DLK2: variants seen among roughly 807,000 people sequenced by gnomAD.
The protein encoded by DLK2 is protein delta homolog 2.
Under a neutral mutation model 31.3 loss-of-function variants are expected in DLK2, and 9 were observed. The ratio of observed to expected loss-of-function variants is 0.29; its 90% CI spans 0.17 to 0.50. The LOEUF (loss-of-function observed/expected upper bound fraction) is 0.50, where lower values mean the gene tolerates loss of function less well. DLK2 is among the 20% of genes least tolerant of loss of function. DLK2 has a pLI of 0.98. For missense variants in DLK2, 387 were observed against 526.1 expected (o/e 0.74, Z 2.59); for synonymous variants, 169 against 201.2 (o/e 0.84, Z 1.35).
At chr6:43,455,772 G>C (rs1783965246), upstream of DLK2, among the ~76,000 whole-genome samples, 1 of 152,006 alleles carries the variant, frequency 6.6e-6, no homozygotes, top group South Asian at 2.1e-4. Flanking sequence ...CTCAATGGGA[G>C]CAAACTATTA....
Position 43,451,928 on chromosome 6 carries a change from C to T in DLK2, c.416+12G>A. 2.5e-6 allele frequency: 4 copies of T among 1,613,740 alleles called. No individual in the cohort carries two copies. The South Asian group carries it at 4.4e-5, about 18-fold the overall frequency. On this transcript the variant is annotated intron_variant, in intron 5 of 5. Coordinates refer to ENST00000372488, the MANE Select transcript of DLK2 (RefSeq NM_023932.4). This position sits in a 1 kb window ranked among gnomAD's most constrained non-coding sequence, Gnocchi z 4.4. ...TCTAACCTTCCACTCACCCTGAGGG[C>T]CCAGCACTCACCCTGCCTGTTCACA...
Position 43,450,811 on chromosome 6 carries a change from C to G in DLK2, c.880G>C (p.Val294Leu). The change falls in exon 6 of 6, where the codon GTG becomes CTG. Residue 294 changes from valine (V) to leucine (L), a missense_variant. Coordinates refer to ENST00000372488, the MANE Select transcript of DLK2 (RefSeq NM_023932.4). The surrounding 1 kb of genome is among the most constrained non-coding windows in gnomAD (Gnocchi z 4.5). ...AGLLRISVKE[V>L]VRRQEAGLGE... ...AGCCCAGCCTCTTGCCTCCGCACCA[C>G]CTCCTTCACTGAGATCCGCAGCAGA... is the stretch of plus-strand genomic sequence containing the variant. 6.2e-7 allele frequency: 1 copy of G among 1,614,240 alleles called. No individual in the cohort carries two copies. The highest frequency in any genetic ancestry group is 1.3e-5 in the African/African-American group (1 of 75,072).
upstream of DLK2, chr6:43,455,839 A>AGCGCTCCGCGGCCC (rs977828880): frequency 1.3e-5 from 2 of 152,830 alleles, no homozygotes; most frequent in Non-Finnish European, 2.9e-5. Flanking sequence ...TTTCCCGACC[A>AGCGCTCCGCGGCCC]GCGCTCCGCG....
rs907833216 is a variant in DLK2, at chr6:43,451,172, T to A, written c.519A>T (p.Val173=). 10 of 1,614,124 alleles carry A rather than the reference T, an allele frequency of 6.2e-6. No individual in the cohort carries two copies. Among genetic ancestry groups the A allele is most frequent in the Non-Finnish European group, 8.5e-6 (10 of 1,180,002 alleles). ...GCCGCATCAGGCAGTCATCCACATTTACCTCACAGCGGGCACCCACAAAGC... is the reference window on the plus strand; with the variant it reads ...GCCGCATCAGGCAGTCATCCACATTAACCTCACAGCGGGCACCCACAAAGC... ...LVGFVGARCE[V]NVDDCLMRPC... The change falls in exon 6 of 6, where the codon GTA becomes GTT. Residue 173 remains valine, a synonymous_variant. Transcript: ENST00000372488. The surrounding 1 kb of genome is among the most constrained non-coding windows in gnomAD (Gnocchi z 4.4).
At chr6:43,454,996 G>T in intron 1 of DLK2, 116 bp from the exon 2 acceptor site, 3 of 1,416,888 alleles carry the variant, frequency 2.1e-6, no homozygotes, top group Non-Finnish European at 2.8e-6. Flanking sequence ...GAAGGGGATG[G>T]GGGTAGCGGG....
In DLK2 at chr6:43,453,600, C is replaced by G. The variant is rs1282842017; in HGVS notation, c.141-465G>C. On this transcript the variant is annotated intron_variant, in intron 3 of 5. Transcript: ENST00000372488. The surrounding 1 kb of genome is among the most constrained non-coding windows in gnomAD (Gnocchi z 4.1). ...TTGAGGTCAGGAGTTCAAGACCAGC[C>G]TGGCCAACTGGGTGAAACCCCGTCT... 6.6e-6 allele frequency among the ~76,000 whole-genome samples: 1 copy of G among 152,170 alleles called. No homozygotes were observed. Among genetic ancestry groups the G allele is most frequent in the Non-Finnish European group, 1.5e-5 (1 of 68,030 alleles).
intron 3 of DLK2, among the ~76,000 whole-genome samples, chr6:43,454,028 C>G (rs905534476): frequency 2.0e-5 from 3 of 152,296 alleles, no homozygotes; most frequent in Non-Finnish European, 4.4e-5. Context: ...AAGAAAGATC[C>G]TCTTTCATTG....
At position 43,451,699 on chromosome 6, in the gene DLK2, G is replaced by A. The variant is rs1013369110; in HGVS notation, c.416+241C>T. Among the ~76,000 whole-genome samples, 1 of 148,870 alleles carries A rather than the reference G, an allele frequency of 6.7e-6. No homozygotes were observed. The highest frequency in any genetic ancestry group is 1.5e-5 in the Non-Finnish European group (1 of 67,246). On this transcript the variant is annotated intron_variant, in intron 5 of 5. Coordinates refer to ENST00000372488, the MANE Select transcript of DLK2 (RefSeq NM_023932.4). This position sits in a 1 kb window ranked among gnomAD's most constrained non-coding sequence, Gnocchi z 4.4. Reference sequence around the variant, plus strand: ...ACACCCACCCTCCCCAACCAGAACAGTCACACGTTTGTTACCCCTCTAGCT... The same window carrying A: ...ACACCCACCCTCCCCAACCAGAACAATCACACGTTTGTTACCCCTCTAGCT...
Position 43,454,401 on chromosome 6 carries a change from G to A in DLK2, c.140+10C>T. 1 of 1,602,626 alleles carries A rather than the reference G, an allele frequency of 6.2e-7. No individual in the cohort carries two copies. The highest frequency in any genetic ancestry group is 8.5e-7 in the Non-Finnish European group (1 of 1,176,040). ...CAAAGGGTTTGGGGGCACGTGCTCA[G>A]GACAGGTACCTGCAGGAGCCGTCAG... is the stretch of plus-strand genomic sequence containing the variant. On this transcript the variant is annotated intron_variant, in intron 3 of 5. Coordinates refer to ENST00000372488, the MANE Select transcript of DLK2 (RefSeq NM_023932.4).
intron 2 of DLK2, 88 bp from the exon 3 acceptor site, chr6:43,454,562 T>C: frequency 8.5e-6 from 12 of 1,414,964 alleles, no homozygotes; most frequent in Non-Finnish European, 1.2e-5. Context: ...GGGGTTCCAG[T>C]AACTGAGCGG....
rs1355668820 is a variant in DLK2 at position 43,455,390 on chromosome 6, C to T, written c.-56+5G>A. On this transcript the variant is annotated splice_donor_5th_base_variant and intron_variant, in intron 1 of 5. Coordinates refer to ENST00000372488, the MANE Select transcript of DLK2 (RefSeq NM_023932.4). ...CCCACCGCGCCCTGTCCCCGCAGTC[C>T]TCACCTCCGGCGGGGAGGTGGCGCG... 2.6e-5 allele frequency: 4 copies of T among 151,470 alleles called. No individual in the cohort carries two copies. The highest frequency in any genetic ancestry group is 6.6e-5 in the Admixed American group (1 of 15,248). 9.4% of individuals were successfully genotyped at this position (151,470 alleles called of 1,614,324 possible).
chr6:43,455,077 G>T, intron 1 of DLK2, 197 bp from the exon 2 acceptor site: 1 of 985,186 alleles, frequency 1.0e-6, no homozygotes, highest in Non-Finnish European at 1.2e-6. Context: ...CCGGGAGCGG[G>T]GTCTGCAAGG....
intron 2 of DLK2, 106 bp from the exon 3 acceptor site, chr6:43,454,580 C>T: frequency 8.8e-6 from 12 of 1,356,306 alleles, no homozygotes; most frequent in Non-Finnish European, 1.2e-5. Context: ...CGGACTCAAC[C>T]CTAGGGCAGG....
chr6:43,450,756 A>G lies in DLK2; in HGVS notation c.935T>C (p.Val312Ala). 1.2e-6 allele frequency: 2 copies of G among 1,614,154 alleles called. No individual in the cohort carries two copies. The highest frequency in any genetic ancestry group is 1.7e-6 in the Non-Finnish European group (2 of 1,180,004). Residue 312 changes from valine (V) to alanine (A), a missense_variant, in exon 6 of 6, where the codon GTG becomes GCG. Coordinates refer to ENST00000372488, the MANE Select transcript of DLK2 (RefSeq NM_023932.4). This position sits in a 1 kb window ranked among gnomAD's most constrained non-coding sequence, Gnocchi z 4.5. ...CAGGGCAGCAGTGAGGGCCCCAAAC[A>G]CCACCAGGGCCACCAAGCTAGGCTC... ...LGEPSLVALV[V>A]FGALTAALVL...
chr6:43,455,315 C>G (rs1249799314), intron 1 of DLK2, 80 bp downstream of exon 1: 1 of 153,402 alleles, frequency 6.5e-6, no homozygotes, highest in Admixed American at 6.5e-5. Flanking sequence ...CCCACGTCCC[C>G]TTTCTATCTC....
chr6:43,451,325 G>A lies in DLK2; in HGVS notation c.417-51C>T. On this transcript the variant is annotated intron_variant, in intron 5 of 5. Coordinates refer to ENST00000372488, the MANE Select transcript of DLK2 (RefSeq NM_023932.4). This position sits in a 1 kb window ranked among gnomAD's most constrained non-coding sequence, Gnocchi z 4.4. ...GATAACCAACTTACCAACACCTGTA[G>A]GGCAGCCCAGGTCAGTATCCTGACC... 1.3e-6 allele frequency: 2 copies of A among 1,578,378 alleles called. No homozygotes were observed. Among genetic ancestry groups the A allele is most frequent in the Non-Finnish European group, 1.7e-6 (2 of 1,162,124 alleles).
chr6:43,451,049 A>G lies in DLK2; in HGVS notation c.642T>C (p.Asp214=), dbSNP rs200369085. Residue 214 remains aspartate, a synonymous_variant, in exon 6 of 6, where the codon GAT becomes GAC. Coordinates refer to ENST00000372488, the MANE Select transcript of DLK2 (RefSeq NM_023932.4). The surrounding 1 kb of genome is among the most constrained non-coding windows in gnomAD (Gnocchi z 4.4). ...FAGRFCTINL[D]DCASRPCQRG... is the part of the protein sequence containing the mutation. ...TCTGGCATGGGCGGCTGGCACAGTC[A>G]TCCAGGTTGATGGTGCAGAAGCGTC... 8.1e-6 allele frequency: 13 copies of G among 1,614,242 alleles called. No homozygotes were observed. The African/African-American group carries it at 1.5e-4, about 18-fold the overall frequency.
In DLK2 at chr6:43,450,454, C is replaced by G; in HGVS notation, c.*85G>C. 1 of 1,454,978 alleles carries G rather than the reference C, an allele frequency of 6.9e-7. No homozygotes were observed. The highest frequency in any genetic ancestry group is 1.4e-5 in the South Asian group (1 of 70,126). 90.1% of individuals were successfully genotyped at this position (1,454,978 alleles called of 1,614,324 possible). ...GCTGAGGTCTCCTCTGTGTGTGTACCCAAGCTGAAGGGTGGTGAGAACGGA... is the reference window on the plus strand; with the variant it reads ...GCTGAGGTCTCCTCTGTGTGTGTACGCAAGCTGAAGGGTGGTGAGAACGGA... On this transcript the variant is annotated 3_prime_UTR_variant, in exon 6 of 6. Transcript: ENST00000372488. This position sits in a 1 kb window ranked among gnomAD's most constrained non-coding sequence, Gnocchi z 4.5.
chr6:43,456,573 G>A (rs1248164907), upstream of DLK2: 1 of 152,204 alleles, frequency 6.6e-6, no homozygotes, highest in Non-Finnish European at 1.5e-5. Flanking sequence ...AAATTAGCCA[G>A]GCGTGGTGGT....
Sources: allele counts gnomAD v4.1 joint callset (sites outside exome capture counted in the v4.1 genomes callset), GRCh38; gene constraint gnomAD v4.1.1; non-coding constraint Gnocchi (gnomAD v3.1); transcripts MANE v1.5; gene names NCBI Gene and HGNC (gene_info 2026-07-23, HGNC 2026-07-21).